The following KMT2C variants were observed in gnomAD, a reference collection of about 807,000 sequenced individuals.
KMT2C encodes histone-lysine N-methyltransferase 2C.
In KMT2C, 88 loss-of-function variants were observed where a neutral mutation model predicts 507.9. That is an observed-to-expected ratio of 0.17 (90% CI 0.15 to 0.21). The LOEUF is 0.21. Ranked by LOEUF, KMT2C falls within the 10% of genes least tolerant of loss-of-function variation. The pLI is 1.00. For missense variants in KMT2C, 4,954 were observed against 5,957.8 expected (o/e 0.83, Z 5.55); for synonymous variants, 2,049 against 2,080.8 (o/e 0.98, Z 0.42).
At chr7:152,324,397 T>C (rs922247368) in intron 3 of KMT2C, among the ~76,000 whole-genome samples, 2 of 151,850 alleles carry the variant, frequency 1.3e-5, no homozygotes, top group Non-Finnish European at 2.9e-5. Context: ...CCACTTTGCA[T>C]TCATGAATTG....
chr7:152,365,015 T>C (rs1285441014), intron 1 of KMT2C, among the ~76,000 whole-genome samples: 1 of 150,454 alleles, frequency 6.6e-6, no homozygotes, highest in Non-Finnish European at 1.5e-5. Flanking sequence ...AAAAGATTAA[T>C]AAAGAGAAAA....
chr7:152,334,344 C>G (rs1249738232), intron 2 of KMT2C, among the ~76,000 whole-genome samples: 1 of 152,122 alleles, frequency 6.6e-6, no homozygotes, highest in African/African-American at 2.4e-5. Context: ...CCCAGCTATT[C>G]AGAAGGCTGA....
In KMT2C at chr7:152,180,731, C is replaced by G. The variant is rs780531989; in HGVS notation, c.7129G>C (p.Asp2377His). The part of the protein sequence containing the change: ...TQNTVNMAQA[D>H]TEKLRQRQKL... The stretch of plus-strand genomic sequence containing the variant: ...TTTACCTGTCTCAATTTCTCTGTAT[C>G]TGCTTGGGCCATATTTACAGTATTC... Residue 2377 changes from aspartate to histidine, a missense_variant, in exon 36 of 59, where the codon GAT (aspartate) becomes CAT (histidine). Asp to His is a moderately conservative substitution (Grantham distance 81). Coordinates refer to ENST00000262189, the MANE Select transcript of KMT2C (RefSeq NM_170606.3). 1.6e-5 allele frequency: 26 copies of G among 1,612,320 alleles called. 1 individual carries two copies. In the Admixed American group the frequency reaches 4.3e-4, roughly 27 times the overall value.
At chr7:152,162,066 TATAATTTAAAACAAAAG>T (rs2092482802) in intron 43 of KMT2C, 34 bp downstream of exon 43, 5 of 1,489,066 alleles carry the variant, frequency 3.4e-6, no homozygotes, top group Non-Finnish European at 4.5e-6. Flanking sequence ...CTGCTGTAAG[TATAATTTAAAACAAAAG>T]AAAAAAGTTG....
chr7:152,425,431 C>T (rs1169368102), intron 1 of KMT2C, among the ~76,000 whole-genome samples: 2 of 152,040 alleles, frequency 1.3e-5, no homozygotes, highest in African/African-American at 4.8e-5. Context: ...GAAAAATTAG[C>T]CAGGCGTGGT....
At chr7:152,264,978 C>G (rs2095839474) in intron 8 of KMT2C, 60 bp downstream of exon 8, 9 of 1,581,110 alleles carry the variant, frequency 5.7e-6, no homozygotes, top group Non-Finnish European at 7.7e-6. Context: ...ACCTTTAGCA[C>G]CTAGTAATAG....
At chr7:152,330,173 G>GT (rs2096869059) in intron 3 of KMT2C, among the ~76,000 whole-genome samples, 2 of 133,572 alleles carry the variant, frequency 1.5e-5, no homozygotes, top group Admixed American at 1.5e-4. Flanking sequence ...GGGTGGTGGG[G>GT]GGGGGGAGAA....
intron 14 of KMT2C, among the ~76,000 whole-genome samples, chr7:152,240,941 C>G (rs2095371030): frequency 6.6e-6 from 1 of 152,186 alleles, no homozygotes; most frequent in Non-Finnish European, 1.5e-5. Context: ...AGAAACTTTT[C>G]AAAAGTACAA....
chr7:152,330,560 C>G, intron 3 of KMT2C, 41 bp downstream of exon 3: 1 of 1,589,980 alleles, frequency 6.3e-7, no homozygotes, highest in East Asian at 2.2e-5. Context: ...CTGCTTTATT[C>G]CTGTCACTAA....
Position 152,261,851 on chromosome 7 carries a change from A to C in KMT2C, c.1299+1165T>G, listed in dbSNP as rs566434270. 3.9e-5 allele frequency among the ~76,000 whole-genome samples: 6 copies of C among 152,334 alleles called. No individual in the cohort carries two copies. In the East Asian group the frequency reaches 1.2e-3, roughly 29 times the overall value. On this transcript the variant is annotated intron_variant, in intron 9 of 58. Transcript: ENST00000262189. ...TTTCCTTTCCAATGATAAGTCATTC[A>C]GCAAGAGAAGGAATCTGAACTACCT... is the stretch of plus-strand genomic sequence containing the variant.
intron 24 of KMT2C, among the ~76,000 whole-genome samples, chr7:152,207,068 A>G (rs1465437255): frequency 6.6e-6 from 1 of 152,214 alleles, no homozygotes; most frequent in Non-Finnish European, 1.5e-5. Flanking sequence ...AACATTTGGG[A>G]CAAGGCATTC....
At chr7:152,350,455 A>C (rs543408570) in intron 2 of KMT2C, among the ~76,000 whole-genome samples, 1 of 152,298 alleles carries the variant, frequency 6.6e-6, no homozygotes, top group African/African-American at 2.4e-5. Context: ...AGCCTACTAA[A>C]AACCTAGGCT....
intron 46 of KMT2C, among the ~76,000 whole-genome samples, chr7:152,155,669 T>C (rs2091994390): frequency 6.6e-6 from 1 of 152,216 alleles, no homozygotes; most frequent in Non-Finnish European, 1.5e-5. Flanking sequence ...AATAATCTAA[T>C]ACTTAACTGT....
In KMT2C at chr7:152,176,056, C is replaced by G. The variant is rs372491339; in HGVS notation, c.9262+135G>C. 16 of 965,122 alleles carry G rather than the reference C, an allele frequency of 1.7e-5. No homozygotes were observed. In the African/African-American group the frequency reaches 2.0e-4, roughly 12 times the overall value. 59.8% of individuals were successfully genotyped at this position (965,122 alleles called of 1,614,324 possible). Reference sequence around the variant, plus strand: ...AGACTCCGTCTCAAAACAAAACAAACAAACTCCTCAAGGAGGAATAGAAAA... The same window carrying G: ...AGACTCCGTCTCAAAACAAAACAAAGAAACTCCTCAAGGAGGAATAGAAAA... On this transcript the variant is annotated intron_variant, in intron 38 of 58. Coordinates refer to ENST00000262189, the MANE Select transcript of KMT2C (RefSeq NM_170606.3).
intron 18 of KMT2C, among the ~76,000 whole-genome samples, chr7:152,226,735 G>GA (rs912815089): frequency 1.3e-5 from 2 of 152,142 alleles, no homozygotes; most frequent in African/African-American, 4.8e-5. Flanking sequence ...AGAGTAAACA[G>GA]AAAGTTTTGA....
At chr7:152,366,079 TA>T (rs959191351) in intron 1 of KMT2C, among the ~76,000 whole-genome samples, 10 of 150,924 alleles carry the variant, frequency 6.6e-5, no homozygotes, top group Admixed American at 5.3e-4. Context: ...CTGTGAAAAA[TA>T]AAAAAAAGAA....
chr7:152,350,777 T>G (rs1354753156), intron 2 of KMT2C, among the ~76,000 whole-genome samples: 1 of 152,238 alleles, frequency 6.6e-6, no homozygotes, highest in Non-Finnish European at 1.5e-5. Flanking sequence ...AATATTATTT[T>G]TCTTTGCTCA....
At chr7:152,290,976 T>C (rs1466175160) in intron 6 of KMT2C, among the ~76,000 whole-genome samples, 2 of 152,232 alleles carry the variant, frequency 1.3e-5, no homozygotes, top group Non-Finnish European at 2.9e-5. Context: ...TTGGAAGACA[T>C]TTTCCTACTA....
rs2129089839 is a variant in KMT2C, at chr7:152,139,699, C to T, written c.14436G>A (p.Arg4812=). The T allele has an allele frequency of 6.2e-7, 1 of 1,613,542 alleles. No homozygotes were observed. Among genetic ancestry groups the T allele is most frequent in the Non-Finnish European group, 8.5e-7 (1 of 1,179,468 alleles). Residue 4812 remains arginine (R), a synonymous_variant, in exon 56 of 59, where the codon AGG becomes AGA. Transcript: ENST00000262189. The part of the protein sequence containing the change: ...GTIIRNEVAN[R]KEKLYESQNR... ...CCTGAGACTCATAAAGCTTCTCTTT[C>T]CTGTTGGCTACTTCGTTTCGAATGA...
Sources: gnomAD v4.1 joint callset for allele counts (sites outside exome capture counted in the v4.1 genomes callset) on GRCh38, gnomAD v4.1.1 for gene constraint, MANE v1.5 for transcripts, NCBI Gene and HGNC (gene_info 2026-07-23, HGNC 2026-07-21) for gene names.